The following CCDC171 variants were observed in gnomAD, a reference collection of about 807,000 sequenced individuals.
CCDC171 encodes the protein coiled-coil domain containing 171, also known as coiled-coil domain-containing protein 171.
CCDC171 carries 177 observed loss-of-function variants against 168.2 expected under a neutral mutation model. The observed-to-expected ratio is 1.05, with a 90% CI of 0.93 to 1.19. CCDC171 has a LOEUF of 1.19. CCDC171 is among the 50% of genes most tolerant of loss of function. The pLI, the probability that CCDC171 is intolerant of heterozygous loss-of-function variation, is 0.00. For missense variants in CCDC171, 1,991 were observed against 1,539.0 expected, an observed-to-expected ratio of 1.29 and a Z score of -4.91; for synonymous variants, 687 against 540.8, an observed-to-expected ratio of 1.27 and a Z score of -3.75.
intron 6 of CCDC171, among the ~76,000 whole-genome samples, chr9:15,602,681 A>T (rs1411526328): frequency 3.9e-5 from 3 of 76,742 alleles, no homozygotes; most frequent in Non-Finnish European, 5.1e-5. Context: ...TTTGATACAG[A>T]GTCTCTCTGT....
intron 1 of CCDC171, among the ~76,000 whole-genome samples, chr9:16,054,391 T>A (rs1401176401): frequency 3.9e-5 from 6 of 152,122 alleles, no homozygotes; most frequent in African/African-American, 1.2e-4. Flanking sequence ...TCAGTGGGGC[T>A]CCCACAGGAG....
intron 6 of CCDC171, among the ~76,000 whole-genome samples, chr9:15,622,233 C>T (rs571549396): frequency 1.3e-5 from 2 of 152,192 alleles, no homozygotes; most frequent in Non-Finnish European, 2.9e-5. Flanking sequence ...ATCCCTGTGA[C>T]ATGAGTTTAC....
the CCDC171 span, among the ~76,000 whole-genome samples, chr9:16,084,036 C>T: frequency 3.3e-5 from 5 of 152,316 alleles, no homozygotes; most frequent in East Asian, 7.7e-4. Context: ...TTACTCTGCT[C>T]TTACAGAATA....
At chr9:15,606,395 T>C (rs945968244) in intron 6 of CCDC171, among the ~76,000 whole-genome samples, 1 of 152,214 alleles carries the variant, frequency 6.6e-6, no homozygotes, top group Admixed American at 6.5e-5. Context: ...TTCAAGCTTA[T>C]GGATTCACAA....
At chr9:15,565,074 A>G (rs1478951128) in intron 2 of CCDC171, among the ~76,000 whole-genome samples, 1 of 141,486 alleles carries the variant, frequency 7.1e-6, no homozygotes, top group Non-Finnish European at 1.5e-5. Context: ...TTTTGAAGCT[A>G]CCCACCCCCC....
intron 18 of CCDC171, among the ~76,000 whole-genome samples, chr9:15,768,189 T>G (rs2056834826): frequency 1.7e-5 from 2 of 116,492 alleles, no homozygotes. Flanking sequence ...CCTATGAGTT[T>G]CCTAAAAAAA....
chr9:15,938,130 G>C (rs1158192057), intron 25 of CCDC171, among the ~76,000 whole-genome samples: 1 of 151,804 alleles, frequency 6.6e-6, no homozygotes, highest in Non-Finnish European at 1.5e-5. Context: ...CCAGTCTTAT[G>C]AGGGAAATGT....
chr9:15,823,595 A>T (rs940573285), intron 21 of CCDC171, among the ~76,000 whole-genome samples: 1 of 152,132 alleles, frequency 6.6e-6, no homozygotes, highest in African/African-American at 2.4e-5. Context: ...AAACGAAGAA[A>T]GAAAAATAAT....
chr9:15,637,629 C>A (rs2046300980), intron 7 of CCDC171, among the ~76,000 whole-genome samples: 2 of 115,228 alleles, frequency 1.7e-5, no homozygotes, highest in Non-Finnish European at 3.4e-5. Context: ...CTCCCCCCAC[C>A]CCACAACAGT....
intron 21 of CCDC171, among the ~76,000 whole-genome samples, chr9:15,795,742 C>G (rs1329566893): frequency 1.3e-5 from 2 of 152,194 alleles, no homozygotes; most frequent in Admixed American, 6.5e-5. Context: ...AAATCTCTGC[C>G]TAGCAGCTAC....
chr9:15,922,322 T>A (rs947274583), intron 25 of CCDC171: 4 of 180,442 alleles, frequency 2.2e-5, no homozygotes, highest in African/African-American at 7.0e-5. Flanking sequence ...ATGGTTTTTA[T>A]TTTTAAAAGA....
intron 6 of CCDC171, among the ~76,000 whole-genome samples, chr9:15,614,427 C>G (rs892343878): frequency 1.3e-5 from 2 of 152,166 alleles, no homozygotes; most frequent in African/African-American, 2.4e-5. Context: ...TGCCACATAT[C>G]TCACTATTCT....
At chr9:15,942,972 T>G (rs1339206316) in intron 25 of CCDC171, among the ~76,000 whole-genome samples, 1 of 151,978 alleles carries the variant, frequency 6.6e-6, no homozygotes. Flanking sequence ...AGCTCTGAAC[T>G]CTGAGCTTTA....
rs558363087 is a variant in CCDC171, at chr9:15,749,614, C to T, written c.2671+3983C>T. Among the ~76,000 whole-genome samples the T allele has an allele frequency of 4.9e-4, 75 of 152,284 alleles. 1 individual carries two copies. Among genetic ancestry groups the T allele is most frequent in the African/African-American group, 1.6e-3 (67 of 41,568 alleles). ...AAAAGTAAAAGAACAGAAATCACAA[C>T]AAACTGTCTCTCAGACCACACTGCA... On this transcript the variant is annotated intron_variant, in intron 18 of 25. Coordinates refer to ENST00000380701, the MANE Select transcript of CCDC171 (RefSeq NM_173550.4).
chr9:15,675,113 A>G lies in CCDC171; in HGVS notation c.1077-3645A>G, dbSNP rs569215502. On this transcript the variant is annotated intron_variant, in intron 9 of 25. Transcript: ENST00000380701. ...TGAATTGATCCCTTTACCATTATGTAACGGCCTTCTTTGTCTCTTTTGATC... is the reference window on the plus strand; with the variant it reads ...TGAATTGATCCCTTTACCATTATGTGACGGCCTTCTTTGTCTCTTTTGATC... 4.0e-5 allele frequency among the ~76,000 whole-genome samples: 6 copies of G among 151,860 alleles called. No individual in the cohort carries two copies. The South Asian group carries it at 1.0e-3, about 26-fold the overall frequency.
intron 21 of CCDC171, among the ~76,000 whole-genome samples, chr9:15,804,872 T>C (rs964125069): frequency 6.6e-6 from 1 of 152,174 alleles, no homozygotes; most frequent in African/African-American, 2.4e-5. Context: ...CAGCTGTGAA[T>C]ATGTCTGGTC....
chr9:16,012,982 G>A (rs1348199272), intron 3 of CCDC171, among the ~76,000 whole-genome samples: 1 of 152,054 alleles, frequency 6.6e-6, no homozygotes, highest in Non-Finnish European at 1.5e-5. Context: ...ATGGTACTTC[G>A]ACTTCTCAAG....
chr9:15,809,404 G>A (rs1360345201), intron 21 of CCDC171, among the ~76,000 whole-genome samples: 1 of 152,154 alleles, frequency 6.6e-6, no homozygotes, highest in Non-Finnish European at 1.5e-5. Context: ...GTGGGTTCCT[G>A]GTCTCACTGA....
rs113873138 is a variant in CCDC171, at chr9:15,943,654, A to T, written c.3753+23232A>T. Among the ~76,000 whole-genome samples the T allele has an allele frequency of 6.3e-3, 951 of 152,126 alleles. 8 individuals are homozygous for T. The highest frequency in any genetic ancestry group is 0.01 in the Non-Finnish European group (701 of 67,974). On this transcript the variant is annotated intron_variant, in intron 25 of 25. Coordinates refer to ENST00000380701, the MANE Select transcript of CCDC171 (RefSeq NM_173550.4). ...CAACGAAGGTTTATTGAATCAATCA[A>T]TAAATTATCTTCCCTTTTGAAGAGT...
Sources: allele counts gnomAD v4.1 joint callset (sites outside exome capture counted in the v4.1 genomes callset), GRCh38; gene constraint gnomAD v4.1.1; transcripts MANE v1.5; gene names NCBI Gene and HGNC (gene_info 2026-07-23, HGNC 2026-07-21).